The following WWOX variants were observed in gnomAD, a reference collection of about 807,000 sequenced individuals.
The protein encoded by WWOX is WW domain containing oxidoreductase, also known as WW domain-containing oxidoreductase.
WWOX carries 69 observed loss-of-function variants against 46.2 expected under a neutral mutation model. That is an observed-to-expected ratio of 1.49 (90% CI 1.23 to 1.82). The LOEUF (loss-of-function observed/expected upper bound fraction) is 1.82. WWOX is among the 40% of genes most tolerant of loss of function. The probability of loss-of-function intolerance (pLI) is 0.00; values close to 1 mark genes in which losing one functional copy is unlikely to be tolerated. For missense variants in WWOX, 919 were observed against 542.6 expected, an observed-to-expected ratio of 1.69 and a Z score of -6.89; for synonymous variants, 359 against 202.6, an observed-to-expected ratio of 1.77 and a Z score of -6.56.
At chr16:79,137,211 C>T (rs1597407695) in intron 8 of WWOX, among the ~76,000 whole-genome samples, 1 of 152,198 alleles carries the variant, frequency 6.6e-6, no homozygotes, top group East Asian at 1.9e-4. Flanking sequence ...TTATGCATGC[C>T]ATACCCATGC....
chr16:78,490,382 G>T (rs146784997), intron 8 of WWOX, among the ~76,000 whole-genome samples: 48 of 152,308 alleles, frequency 3.2e-4, no homozygotes, highest in African/African-American at 8.2e-4. Context: ...ATGTGCACAT[G>T]TGTTTATGCA....
intron 5 of WWOX, among the ~76,000 whole-genome samples, chr16:78,184,262 G>A (rs1345569602): frequency 6.6e-6 from 1 of 152,098 alleles, no homozygotes; most frequent in African/African-American, 2.4e-5. Flanking sequence ...TGAAGTGTTT[G>A]GAGAAGTGTT....
chr16:78,968,829 G>A (rs1452151280), intron 8 of WWOX, among the ~76,000 whole-genome samples: 6 of 151,928 alleles, frequency 3.9e-5, no homozygotes, highest in African/African-American at 4.8e-5. Flanking sequence ...GATTGGATCC[G>A]AGCCATTTGC....
intron 5 of WWOX, among the ~76,000 whole-genome samples, chr16:78,285,013 A>G (rs1386472481): frequency 2.6e-5 from 4 of 152,188 alleles, no homozygotes; most frequent in African/African-American, 9.7e-5. Context: ...GCATGTAATG[A>G]TGATGTCATT....
chr16:78,574,027 C>T (rs1000404261), intron 8 of WWOX, among the ~76,000 whole-genome samples: 19 of 152,236 alleles, frequency 1.2e-4, no homozygotes, highest in African/African-American at 4.1e-4. Flanking sequence ...CCCAAATCAC[C>T]CAGATTACTA....
intron 8 of WWOX, among the ~76,000 whole-genome samples, chr16:78,751,994 C>T (rs1392549007): frequency 8.8e-6 from 1 of 114,028 alleles, no homozygotes; most frequent in South Asian, 3.5e-4. Flanking sequence ...AGAGAATTGG[C>T]ATTTTTCTTT....
chr16:78,436,613 A>C (rs1168489388), intron 8 of WWOX, among the ~76,000 whole-genome samples: 1 of 152,202 alleles, frequency 6.6e-6, no homozygotes, highest in Non-Finnish European at 1.5e-5. Context: ...GGTTTTTGCC[A>C]TTGAAAGTAA....
At chr16:79,135,359 A>G (rs1189067527) in intron 8 of WWOX, among the ~76,000 whole-genome samples, 1 of 151,766 alleles carries the variant, frequency 6.6e-6, no homozygotes, top group East Asian at 1.9e-4. Flanking sequence ...ATTTATTTTC[A>G]TTTCTGTATA....
intron 5 of WWOX, among the ~76,000 whole-genome samples, chr16:78,189,541 A>G (rs1360988379): frequency 6.6e-6 from 1 of 152,248 alleles, no homozygotes; most frequent in African/African-American, 2.4e-5. Flanking sequence ...TACCATTGGG[A>G]CAAGAGGTCT....
chr16:78,510,755 A>G (rs1036324394), intron 8 of WWOX, among the ~76,000 whole-genome samples: 1 of 152,236 alleles, frequency 6.6e-6, no homozygotes, highest in Non-Finnish European at 1.5e-5. Context: ...ATATGTGTGT[A>G]TATTCACACA....
At chr16:78,246,556 A>G (rs1334213024) in intron 5 of WWOX, among the ~76,000 whole-genome samples, 1 of 152,234 alleles carries the variant, frequency 6.6e-6, no homozygotes, top group African/African-American at 2.4e-5. Context: ...ACTGCTGTTC[A>G]TGTATAGCTG....
At chr16:78,587,493 C>G (rs988971367) in intron 8 of WWOX, among the ~76,000 whole-genome samples, 4 of 152,056 alleles carry the variant, frequency 2.6e-5, no homozygotes, top group African/African-American at 9.7e-5. Context: ...ATGAATCTTT[C>G]AAGATAAGTG....
intron 8 of WWOX, among the ~76,000 whole-genome samples, chr16:78,879,709 C>G (rs559254687): frequency 2.0e-5 from 3 of 152,134 alleles, no homozygotes; most frequent in Non-Finnish European, 4.4e-5. Flanking sequence ...GAAACCCTGT[C>G]GTTACTAAAA....
chr16:78,207,521 G>C (rs922624681), intron 5 of WWOX, among the ~76,000 whole-genome samples: 1 of 135,636 alleles, frequency 7.4e-6, no homozygotes, highest in African/African-American at 2.7e-5. Flanking sequence ...GGTAATCTTT[G>C]TTACTTTGTT....
chr16:78,185,107 C>A (rs1314904615), intron 5 of WWOX, among the ~76,000 whole-genome samples: 1 of 152,056 alleles, frequency 6.6e-6, no homozygotes, highest in Non-Finnish European at 1.5e-5. Flanking sequence ...ATTCCATTGG[C>A]CAAAGCAAGT....
chr16:78,976,142 C>T (rs189398751), intron 8 of WWOX, among the ~76,000 whole-genome samples: 8 of 152,278 alleles, frequency 5.3e-5, no homozygotes, highest in African/African-American at 1.9e-4. Context: ...TATCCTGCAC[C>T]GTTCCTGGCA....
chr16:78,241,591 AC>A (rs2151819782), intron 5 of WWOX, among the ~76,000 whole-genome samples: 1 of 152,118 alleles, frequency 6.6e-6, no homozygotes, highest in East Asian at 1.9e-4. Context: ...GGCATGTGCT[AC>A]CATGCCTGGC....
chr16:79,009,709 C>T (rs1357542432), intron 8 of WWOX, among the ~76,000 whole-genome samples: 2 of 152,262 alleles, frequency 1.3e-5, no homozygotes, highest in South Asian at 2.1e-4. Context: ...CCTCAGCTTC[C>T]CAAAGTGCTG....
intron 8 of WWOX, among the ~76,000 whole-genome samples, chr16:79,081,614 C>T (rs2048761909): frequency 6.6e-6 from 1 of 152,200 alleles, no homozygotes; most frequent in Non-Finnish European, 1.5e-5. Flanking sequence ...TTCGCTTCCT[C>T]ATTGGTCAAG....
Sources: gnomAD v4.1 joint callset for allele counts (sites outside exome capture counted in the v4.1 genomes callset) on GRCh38, gnomAD v4.1.1 for gene constraint, MANE v1.5 for transcripts, NCBI Gene and HGNC (gene_info 2026-07-23, HGNC 2026-07-21) for gene names.